The following SAMSN1 variants were observed in gnomAD, a reference collection of about 807,000 sequenced individuals.
SAMSN1 encodes the protein SAM domain-containing protein SAMSN-1.
SAMSN1 carries 31 observed loss-of-function variants against 42.0 expected under a neutral mutation model. That is an observed-to-expected ratio of 0.74 (90% confidence interval 0.55 to 1.00). The LOEUF (loss-of-function observed/expected upper bound fraction) is 1.00. Ranked by LOEUF, SAMSN1 falls within the 50% of genes least tolerant of loss-of-function variation. The pLI is 0.00. For synonymous variants in SAMSN1, 178 were observed against 151.9 expected (o/e 1.17, Z -1.26); for missense variants, 464 against 439.4 (o/e 1.06, Z -0.50).
chr21:14,560,974 T>C (rs1364091668), intron 2 of SAMSN1, among the ~76,000 whole-genome samples: 2 of 152,188 alleles, frequency 1.3e-5, no homozygotes, highest in East Asian at 1.9e-4. Context: ...AAGGCCACAT[T>C]GTTAGGCTTT....
chr21:14,647,225 C>G (rs969057364), intron 1 of SAMSN1, among the ~76,000 whole-genome samples: 1 of 152,040 alleles, frequency 6.6e-6, no homozygotes, highest in African/African-American at 2.4e-5. Context: ...TTTCCCAGCA[C>G]CATTTATTAA....
chr21:14,485,351 TAC>T lies in SAMSN1; in HGVS notation c.*559_*560del, dbSNP rs1986386839. On this transcript the variant is annotated 3_prime_UTR_variant, in exon 8 of 8. Transcript: ENST00000400566. Reference sequence around the variant, plus strand: ...TTGGTTTCACTAAATCAGAAGTGACTACACATTATCTCTACTTTTATACCAGA... The same window carrying T: ...TTGGTTTCACTAAATCAGAAGTGACTACATTATCTCTACTTTTATACCAGA... The T allele has an allele frequency of 6.6e-6, 1 of 152,370 alleles. No individual in the cohort carries two copies. 9.4% of individuals were successfully genotyped at this position (152,370 alleles called of 1,614,324 possible).
intron 2 of SAMSN1, among the ~76,000 whole-genome samples, chr21:14,640,752 T>C (rs1322331626): frequency 6.6e-6 from 1 of 152,118 alleles, no homozygotes; most frequent in Non-Finnish European, 1.5e-5. Context: ...TTGATGGGAA[T>C]GACATAATTC....
intron 2 of SAMSN1, among the ~76,000 whole-genome samples, chr21:14,580,903 G>T (rs2822782): frequency 2.0e-5 from 3 of 151,972 alleles, no homozygotes; most frequent in African/African-American, 7.3e-5. Flanking sequence ...GACCAGAGGA[G>T]CTGTAGGTAA....
At chr21:14,612,686 G>A (rs1237065063) in intron 4 of SAMSN1, 1 of 648,268 alleles carries the variant, frequency 1.5e-6, no homozygotes, top group African/African-American at 1.8e-5. Context: ...ATAAATCAAT[G>A]ATTTCTTTGT....
At chr21:14,559,688 A>C (rs1980882715) in intron 2 of SAMSN1, among the ~76,000 whole-genome samples, 1 of 151,234 alleles carries the variant, frequency 6.6e-6, no homozygotes, top group Non-Finnish European at 1.5e-5. Context: ...TCTTTTCTGC[A>C]GAGACAAGGT....
At chr21:14,502,771 A>G (rs1987224603) in intron 5 of SAMSN1, among the ~76,000 whole-genome samples, 1 of 152,194 alleles carries the variant, frequency 6.6e-6, no homozygotes, top group Non-Finnish European at 1.5e-5. Flanking sequence ...TAAGGAGCTT[A>G]CTGTGGGGAA....
chr21:14,520,151 AC>A (rs1385022931), intron 2 of SAMSN1, among the ~76,000 whole-genome samples: 1 of 152,212 alleles, frequency 6.6e-6, no homozygotes, highest in Non-Finnish European at 1.5e-5. Flanking sequence ...TGAAATTATT[AC>A]GTAAACTTTA....
chr21:14,485,942 A>C lies in SAMSN1; in HGVS notation c.1092T>G (p.His364Gln). The C allele has an allele frequency of 6.2e-7, 1 of 1,613,658 alleles. No homozygotes were observed. ...LESENLSDMVHKIIITEPSD is the reference protein window; with the variant it reads ...LESENLSDMVQKIIITEPSD ...CACTTGGCTCTGTGATAATAATCTT[A>C]TGTACCATGTCAGACAGATTTTCAG... is the stretch of plus-strand genomic sequence containing the variant. The change falls in exon 8 of 8, where the codon CAT (histidine) becomes CAG (glutamine). Residue 364 changes from histidine (H) to glutamine (Q), a missense_variant. His to Gln is a conservative substitution (Grantham distance 24, BLOSUM62 0). Transcript: ENST00000400566.
intron 1 of SAMSN1, among the ~76,000 whole-genome samples, chr21:14,540,247 C>T (rs1177929561): frequency 6.6e-6 from 1 of 152,170 alleles, no homozygotes; most frequent in African/African-American, 2.4e-5. Context: ...GACTTCATGT[C>T]TAAAACACCA....
chr21:14,644,748 G>A (rs991555643), intron 1 of SAMSN1, among the ~76,000 whole-genome samples: 20 of 152,054 alleles, frequency 1.3e-4, no homozygotes, highest in African/African-American at 4.6e-4. Context: ...CTGTATGCTT[G>A]GATGGCATTT....
intron 2 of SAMSN1, among the ~76,000 whole-genome samples, chr21:14,561,931 G>A (rs935965986): frequency 6.6e-6 from 1 of 152,058 alleles, no homozygotes; most frequent in African/African-American, 2.4e-5. Flanking sequence ...AACAAGGAAG[G>A]AGTCTCTCCT....
At chr21:14,563,056 G>T (rs1980996425) in intron 2 of SAMSN1, among the ~76,000 whole-genome samples, 1 of 152,046 alleles carries the variant, frequency 6.6e-6, no homozygotes, top group South Asian at 2.1e-4. Context: ...CAACATAAAT[G>T]CACATGCACA....
Position 14,543,480 on chromosome 21 carries a change from A to G in SAMSN1, c.57+2725T>C, listed in dbSNP as rs368961189. Among the ~76,000 whole-genome samples, 55 of 152,326 alleles carry G rather than the reference A, an allele frequency of 3.6e-4. No individual in the cohort carries two copies. The South Asian group carries it at 0.011, about 31-fold the overall frequency. On this transcript the variant is annotated intron_variant, in intron 1 of 7. Transcript: ENST00000400566. The stretch of plus-strand genomic sequence containing the variant: ...GAAAATAATGAATTATTTTTGATAT[A>G]GGACTGAAAATCTATTGCTACATAT...
intron 1 of SAMSN1, among the ~76,000 whole-genome samples, chr21:14,524,726 T>G (rs1978725802): frequency 6.6e-6 from 1 of 152,206 alleles, no homozygotes; most frequent in South Asian, 2.1e-4. Flanking sequence ...GGATACTGAT[T>G]GAATAATATA....
chr21:14,531,046 C>A (rs1020480270), intron 1 of SAMSN1, among the ~76,000 whole-genome samples: 1 of 151,806 alleles, frequency 6.6e-6, no homozygotes, highest in Non-Finnish European at 1.5e-5. Context: ...AATTCTATAA[C>A]TAAACAAAAA....
rs117938424 is a variant in SAMSN1 at position 14,604,552 on chromosome 21, G to A, written c.323-2453C>T. On this transcript the variant is annotated intron_variant, in intron 5 of 15. Coordinates refer to the SAMSN1 transcript ENST00000647101. ...ACAGAGTGAGGCCTTGTCTCAAAAA[G>A]CAAAAAAACAAAAAAACAATTACAA... is the stretch of plus-strand genomic sequence containing the variant. Among the ~76,000 whole-genome samples the A allele has an allele frequency of 5.2e-3, 789 of 152,010 alleles. 7 individuals are homozygous for A. Among genetic ancestry groups the A allele is most frequent in the Middle Eastern group, 0.017 (5 of 294 alleles).
intron 2 of SAMSN1, among the ~76,000 whole-genome samples, chr21:14,639,227 T>C (rs141383133): frequency 1.0e-3 from 157 of 152,350 alleles, no homozygotes; most frequent in African/African-American, 3.2e-3. Flanking sequence ...TGTCTTAATC[T>C]GTTTTGTGTT....
chr21:14,559,945 TG>T (rs1980893206), intron 2 of SAMSN1, among the ~76,000 whole-genome samples: 1 of 152,212 alleles, frequency 6.6e-6, no homozygotes, highest in African/African-American at 2.4e-5. Context: ...TCATCTTATT[TG>T]TTTAACAATT....
Sources: gnomAD v4.1 joint callset for allele counts (sites outside exome capture counted in the v4.1 genomes callset) on GRCh38, gnomAD v4.1.1 for gene constraint, MANE v1.5 for transcripts, NCBI Gene and HGNC (gene_info 2026-07-23, HGNC 2026-07-21) for gene names.